COL19A1: variants seen among roughly 807,000 people sequenced by gnomAD.
COL19A1 encodes collagen alpha-1(XIX) chain.
In COL19A1, 159 loss-of-function variants were observed where a neutral mutation model predicts 190.2. The observed-to-expected ratio is 0.84, with a 90% CI of 0.73 to 0.95. The LOEUF is 0.95. Ranked by LOEUF, COL19A1 falls within the 40% of genes least tolerant of loss-of-function variation. The probability of loss-of-function intolerance (pLI) is 0.00; values close to 1 mark genes in which losing one functional copy is unlikely to be tolerated. For synonymous variants in COL19A1, 509 were observed against 458.9 expected, an observed-to-expected ratio of 1.11 and a Z score of -1.39; for missense variants, 1,418 against 1,431.9, an observed-to-expected ratio of 0.99 and a Z score of 0.16.
In COL19A1 at chr6:69,936,789, C is replaced by T. The variant is rs1366978168; in HGVS notation, c.752C>T (p.Pro251Leu). ...AAGCCTCTTTTTGGATTTTAGTGCC[C>T]AGAGCAGGATGGCTTTGGAAATATT... is the stretch of plus-strand genomic sequence containing the variant. Reference protein sequence around the residue: ...TCCEISDTKCPEQDGFGNIAS... With the variant: ...TCCEISDTKCLEQDGFGNIAS... Residue 251 changes from proline to leucine, a missense_variant, in exon 8 of 51, where the codon CCA (proline) becomes CTA (leucine). Physicochemically the swap from Pro to Leu is moderately conservative, Grantham distance 98 (BLOSUM62 -3). Coordinates refer to ENST00000620364, the MANE Select transcript of COL19A1 (RefSeq NM_001858.6). The T allele has an allele frequency of 6.2e-7, 1 of 1,612,600 alleles. No individual in the cohort carries two copies.
intron 15 of COL19A1, among the ~76,000 whole-genome samples, chr6:70,094,699 T>C (rs1015597770): frequency 6.6e-6 from 1 of 152,226 alleles, no homozygotes; most frequent in Non-Finnish European, 1.5e-5. Context: ...ACACGTTCTC[T>C]GACACTGCAA....
Position 70,144,999 on chromosome 6 carries a change from G to A in COL19A1, c.1762G>A (p.Gly588Arg). Residue 588 changes from glycine to arginine, a missense_variant, in exon 25 of 51, where the codon GGG becomes AGG. Gly to Arg is a moderately radical substitution (Grantham distance 125, BLOSUM62 -2). Transcript: ENST00000620364. ...EAGPPGKSLP[G>R]EPGLDGNPGA... ...TGGTCCTCCAGGGAAAAGCCTGCCAGGGGAACCAGTAAGTATTAGCCCTTT... is the reference window on the plus strand; with the variant it reads ...TGGTCCTCCAGGGAAAAGCCTGCCAAGGGAACCAGTAAGTATTAGCCCTTT... 6.3e-7 allele frequency: 1 copy of A among 1,585,430 alleles called. No individual in the cohort carries two copies. The highest frequency in any genetic ancestry group is 8.6e-7 in the Non-Finnish European group (1 of 1,163,976).
At chr6:70,127,922 G>A (rs1012870006) in intron 17 of COL19A1, among the ~76,000 whole-genome samples, 1 of 152,134 alleles carries the variant, frequency 6.6e-6, no homozygotes, top group Admixed American at 6.5e-5. Context: ...CACTCAGAGA[G>A]GAAGAGTTCA....
chr6:70,113,171 A>G lies in COL19A1; in HGVS notation c.1279-8709A>G, dbSNP rs569742191. Among the ~76,000 whole-genome samples, 430 of 152,340 alleles carry G rather than the reference A, an allele frequency of 2.8e-3. 1 individual carries two copies. The highest frequency in any genetic ancestry group is 4.3e-3 in the Non-Finnish European group (295 of 68,030). ...AAAGCTAGCGAGACAAGACAAGATCATGGATCACAGCACTGCTCAGAATTT... is the reference window on the plus strand; with the variant it reads ...AAAGCTAGCGAGACAAGACAAGATCGTGGATCACAGCACTGCTCAGAATTT... On this transcript the variant is annotated intron_variant, in intron 16 of 50. Transcript: ENST00000620364.
intron 14 of COL19A1, among the ~76,000 whole-genome samples, chr6:70,067,916 A>G (rs1236319982): frequency 6.6e-6 from 1 of 152,062 alleles, no homozygotes; most frequent in Middle Eastern, 3.2e-3. Flanking sequence ...CTACCACTTT[A>G]TATTATTACA....
intron 30 of COL19A1, among the ~76,000 whole-genome samples, chr6:70,151,004 T>C (rs1220581323): frequency 6.6e-6 from 1 of 152,170 alleles, no homozygotes; most frequent in African/African-American, 2.4e-5. Context: ...TTCATATTTC[T>C]CAACAGCCTG....
rs148289616 is a variant in COL19A1 at position 70,084,715 on chromosome 6, G to A, written c.1224+16239G>A. On this transcript the variant is annotated intron_variant, in intron 15 of 50. Transcript: ENST00000620364. ...GGTGGTGGGTAGAGATGCTCCCTCT[G>A]CTGTAGAGTGGCTTTGGTGAAGCCA... Among the ~76,000 whole-genome samples, 37 of 152,272 alleles carry A rather than the reference G, an allele frequency of 2.4e-4. 1 individual carries two copies. The East Asian group carries it at 5.6e-3, about 23-fold the overall frequency.
Position 70,121,943 on chromosome 6 carries a change from G to C in COL19A1, c.1341+1G>C, listed in dbSNP as rs202097741. 6.4e-7 allele frequency: 1 copy of C among 1,553,186 alleles called. No individual in the cohort carries two copies. The highest frequency in any genetic ancestry group is 8.7e-7 in the Non-Finnish European group (1 of 1,150,532). On this transcript the variant is annotated splice_donor_variant, in intron 17 of 50. Transcript: ENST00000620364. LOFTEE classifies it high-confidence loss of function. Reference sequence around the variant, plus strand: ...TGGATATTATAACAAGGATAACAAGGTATGGCTTCTTTTTTCCCATAATTT... The same window carrying C: ...TGGATATTATAACAAGGATAACAAGCTATGGCTTCTTTTTTCCCATAATTT...
chr6:70,010,760 C>T (rs1388187007), intron 11 of COL19A1, among the ~76,000 whole-genome samples: 2 of 130,168 alleles, frequency 1.5e-5, no homozygotes, highest in Non-Finnish European at 3.1e-5. Context: ...GATCAAACTG[C>T]AAGGCGGCAA....
intron 34 of COL19A1, among the ~76,000 whole-genome samples, chr6:70,159,937 A>G (rs1787688331): frequency 6.6e-6 from 1 of 152,136 alleles, no homozygotes; most frequent in Admixed American, 6.6e-5. Context: ...GAAATAACAA[A>G]AGCATATTTT....
At chr6:70,144,537 CTT>C (rs2150238071) in intron 24 of COL19A1, among the ~76,000 whole-genome samples, 1 of 152,286 alleles carries the variant, frequency 6.6e-6, no homozygotes, top group African/African-American at 2.4e-5. Context: ...TAAGAAGTCT[CTT>C]AATCTTGCAG....
intron 4 of COL19A1, among the ~76,000 whole-genome samples, chr6:69,902,770 T>A (rs926470768): frequency 1.3e-5 from 2 of 152,170 alleles, no homozygotes; most frequent in East Asian, 3.8e-4. Flanking sequence ...CGGTTAATTG[T>A]GGAGGCCACA....
At chr6:70,185,033 G>A in intron 46 of COL19A1, 118 bp downstream of exon 46, 1 of 891,442 alleles carries the variant, frequency 1.1e-6, no homozygotes, top group Non-Finnish European at 1.7e-6. Flanking sequence ...TAAAGGCTAG[G>A]GTGTAGGCGA....
intron 34 of COL19A1, among the ~76,000 whole-genome samples, chr6:70,158,136 T>C (rs1291662935): frequency 6.6e-6 from 1 of 152,144 alleles, no homozygotes; most frequent in East Asian, 1.9e-4. Context: ...ATAATATGAA[T>C]AAATCTGAAG....
At chr6:70,006,033 T>TTTCAAGG (rs1777598725) in intron 11 of COL19A1, among the ~76,000 whole-genome samples, 3 of 152,092 alleles carry the variant, frequency 2.0e-5, no homozygotes, top group Non-Finnish European at 4.4e-5. Context: ...GAAAAGCCCT[T>TTTCAAGG]GAAAAGGGCT....
intron 11 of COL19A1, among the ~76,000 whole-genome samples, chr6:69,995,293 C>G (rs1234672690): frequency 6.6e-6 from 1 of 152,170 alleles, no homozygotes; most frequent in Non-Finnish European, 1.5e-5. Flanking sequence ...ACAAAATAAG[C>G]TTCTAAGAAG....
intron 11 of COL19A1, among the ~76,000 whole-genome samples, chr6:69,976,028 A>G (rs1282108705): frequency 6.6e-6 from 1 of 152,216 alleles, no homozygotes; most frequent in Non-Finnish European, 1.5e-5. Flanking sequence ...TTCTTAACTA[A>G]GAGTTTAAAA....
chr6:70,157,680 A>G (rs1438766649), intron 34 of COL19A1, among the ~76,000 whole-genome samples: 1 of 152,064 alleles, frequency 6.6e-6, no homozygotes, highest in African/African-American at 2.4e-5. Context: ...ATTTATTTTC[A>G]TCCATAAATA....
intron 11 of COL19A1, among the ~76,000 whole-genome samples, chr6:69,967,738 T>G (rs941569486): frequency 3.3e-4 from 50 of 152,204 alleles, no homozygotes; most frequent in African/African-American, 1.1e-3. Flanking sequence ...AAACTGTGTT[T>G]AAATATTTAT....
Sources: allele counts gnomAD v4.1 joint callset (sites outside exome capture counted in the v4.1 genomes callset), GRCh38; gene constraint gnomAD v4.1.1; transcripts MANE v1.5; gene names NCBI Gene and HGNC (gene_info 2026-07-23, HGNC 2026-07-21).